The following RANBP2 variants were observed in gnomAD, a reference collection of about 807,000 sequenced individuals.
RANBP2 encodes the protein E3 SUMO-protein ligase RanBP2.
In RANBP2, 57 loss-of-function variants were observed where a neutral mutation model predicts 303.6. That is an observed-to-expected ratio of 0.19 (90% CI 0.15 to 0.23). The LOEUF (loss-of-function observed/expected upper bound fraction) is 0.23. Among genes scored for constraint, RANBP2 ranks in the 10% least tolerant of loss-of-function variants. RANBP2 has a pLI of 1.00. For missense variants in RANBP2, 3,138 were observed against 3,780.8 expected (o/e 0.83, Z 4.46); for synonymous variants, 1,167 against 1,301.5 (o/e 0.90, Z 2.23).
At chr2:109,048,571 G>A in the RANBP2 span, among the ~76,000 whole-genome samples, 5 of 152,150 alleles carry the variant, frequency 3.3e-5, no homozygotes, top group Admixed American at 2.6e-4. Flanking sequence ...TGCACATGAA[G>A]CCTCCAAAAT....
At chr2:108,847,696 TC>T in the RANBP2 span, among the ~76,000 whole-genome samples, 3 of 152,244 alleles carry the variant, frequency 2.0e-5, no homozygotes, top group African/African-American at 7.2e-5. Flanking sequence ...CTTTCTGTCT[TC>T]CCTGTTTGTT....
chr2:109,667,028 C>G, the RANBP2 span: 1 of 502,826 alleles, frequency 2.0e-6, no homozygotes, highest in Non-Finnish European at 3.6e-6. Context: ...TCTAGTGTTA[C>G]TGATCTTATG....
At chr2:109,590,980 C>A in the RANBP2 span, among the ~76,000 whole-genome samples, 1 of 152,170 alleles carries the variant, frequency 6.6e-6, no homozygotes, top group South Asian at 2.1e-4. Flanking sequence ...GGAAGATGGG[C>A]CACGTCTGGC....
At chr2:109,306,340 C>G in the RANBP2 span, among the ~76,000 whole-genome samples, 1 of 152,198 alleles carries the variant, frequency 6.6e-6, no homozygotes, top group Non-Finnish European at 1.5e-5. Context: ...GTGTCCCTGC[C>G]TCCAACCCCT....
chr2:109,223,569 G>A, the RANBP2 span, among the ~76,000 whole-genome samples: 13 of 151,962 alleles, frequency 8.6e-5, no homozygotes, highest in African/African-American at 2.2e-4. Flanking sequence ...CTTCAGCTGC[G>A]GGCTCCATTC....
the RANBP2 span, among the ~76,000 whole-genome samples, chr2:108,934,257 A>C: frequency 6.6e-6 from 1 of 152,174 alleles, no homozygotes; most frequent in Non-Finnish European, 1.5e-5. Flanking sequence ...GGAGGGGAGC[A>C]CAGGGCAGCC....
the RANBP2 span, among the ~76,000 whole-genome samples, chr2:109,027,662 T>C: frequency 6.6e-6 from 1 of 150,606 alleles, no homozygotes; most frequent in Admixed American, 6.6e-5. Context: ...AAGGAAGCAG[T>C]GCTGCGTAAG....
At chr2:109,443,995 A>T in the RANBP2 span, among the ~76,000 whole-genome samples, 54 of 152,336 alleles carry the variant, frequency 3.5e-4, no homozygotes, top group African/African-American at 1.3e-3. Context: ...CTGGGCCATG[A>T]TATTTTTAAG....
chr2:109,162,434 T>C, the RANBP2 span, among the ~76,000 whole-genome samples: 1 of 152,226 alleles, frequency 6.6e-6, no homozygotes, highest in Non-Finnish European at 1.5e-5. Context: ...TTTATTATAC[T>C]TTAAGTTTTA....
At chr2:108,761,052 G>A (rs1172253911) in intron 18 of RANBP2, among the ~76,000 whole-genome samples, 5 of 150,028 alleles carry the variant, frequency 3.3e-5, no homozygotes, top group Non-Finnish European at 5.9e-5. Context: ...TATTAGAGCC[G>A]CACAGTTTAG....
the RANBP2 span, among the ~76,000 whole-genome samples, chr2:109,446,137 G>A: frequency 2.6e-5 from 4 of 152,038 alleles, no homozygotes; most frequent in Non-Finnish European, 5.9e-5. Context: ...TGAAAATAAG[G>A]GTAAATCCTA....
the RANBP2 span, among the ~76,000 whole-genome samples, chr2:108,898,182 C>G: frequency 6.6e-6 from 1 of 152,158 alleles, no homozygotes; most frequent in South Asian, 2.1e-4. Context: ...GTAGCAAAGG[C>G]TGAGTGGGGA....
chr2:109,713,113 C>A, the RANBP2 span, among the ~76,000 whole-genome samples: 4 of 152,138 alleles, frequency 2.6e-5, no homozygotes, highest in Non-Finnish European at 2.9e-5. Flanking sequence ...ACCCTCCCTC[C>A]TCTTGCACTG....
At chr2:109,128,305 C>T in the RANBP2 span, 1 of 152,288 alleles carries the variant, frequency 6.6e-6, no homozygotes, top group Non-Finnish European at 1.5e-5. Context: ...TCACCCTCCT[C>T]TGCGCCTCCG....
the RANBP2 span, chr2:109,127,280 G>A: frequency 7.2e-6 from 1 of 139,260 alleles, no homozygotes; most frequent in African/African-American, 2.5e-5. Context: ...AGTAGGTGAT[G>A]AGAGAGAGAG....
the RANBP2 span, among the ~76,000 whole-genome samples, chr2:109,691,527 G>A: frequency 6.6e-6 from 1 of 152,096 alleles, no homozygotes; most frequent in Admixed American, 6.5e-5. Flanking sequence ...AGCTTCAGGG[G>A]CCAGGCTAGG....
At chr2:109,630,449 G>A in the RANBP2 span, among the ~76,000 whole-genome samples, 1 of 152,100 alleles carries the variant, frequency 6.6e-6, no homozygotes, top group Non-Finnish European at 1.5e-5. Context: ...AGAATTATCC[G>A]CTCTAGCCAA....
the RANBP2 span, among the ~76,000 whole-genome samples, chr2:109,709,304 C>T: frequency 1.9e-5 from 1 of 52,716 alleles, no homozygotes; most frequent in East Asian, 6.8e-4. Context: ...GAAACTGTGT[C>T]TCAAAAATAA....
the RANBP2 span, chr2:109,432,703 G>A: frequency 6.3e-7 from 1 of 1,597,080 alleles, no homozygotes; most frequent in African/African-American, 1.3e-5. Context: ...CCTGGGCAAG[G>A]AGAGGGCAAG....
Sources: gnomAD v4.1 joint callset for allele counts (sites outside exome capture counted in the v4.1 genomes callset) on GRCh38, gnomAD v4.1.1 for gene constraint, MANE v1.5 for transcripts, NCBI Gene and HGNC (gene_info 2026-07-23, HGNC 2026-07-21) for gene names.